Variants in WDR72 observed in about 807,000 individuals in gnomAD.
The protein encoded by WDR72 is WD repeat domain 72, also known as WD repeat-containing protein 72.
In WDR72, 120 loss-of-function variants were observed where a neutral mutation model predicts 124.2. That is an observed-to-expected ratio of 0.97 (90% confidence interval 0.83 to 1.12). The LOEUF (loss-of-function observed/expected upper bound fraction) is 1.12. Ranked by LOEUF, WDR72 falls within the 50% of genes most tolerant of loss-of-function variation. The pLI, the probability that WDR72 is intolerant of heterozygous loss-of-function variation, is 0.00. For synonymous variants in WDR72, 452 were observed against 441.7 expected (o/e 1.02, Z -0.29); for missense variants, 1,387 against 1,278.8 (o/e 1.08, Z -1.29).
At chr15:53,747,392 A>G (rs1344434693) in intron 1 of WDR72, among the ~76,000 whole-genome samples, 1 of 152,210 alleles carries the variant, frequency 6.6e-6, no homozygotes, top group African/African-American at 2.4e-5. Context: ...TCCTCCAAAA[A>G]TGTTGTTACT....
intron 18 of WDR72, among the ~76,000 whole-genome samples, chr15:53,537,702 T>C (rs905407809): frequency 1.3e-5 from 2 of 152,214 alleles, no homozygotes; most frequent in Admixed American, 6.5e-5. Flanking sequence ...TTATTATTTG[T>C]ATATCTGTCT....
intron 16 of WDR72, among the ~76,000 whole-genome samples, chr15:53,611,052 T>A (rs1197900059): frequency 5.3e-5 from 8 of 152,122 alleles, no homozygotes; most frequent in Admixed American, 3.9e-4. Flanking sequence ...ATTGCAACTT[T>A]AGGGGGAAAG....
intron 2 of WDR72, among the ~76,000 whole-genome samples, chr15:53,723,701 G>A (rs73412163): frequency 0.078 from 11,899 of 152,160 alleles, 1,598 homozygotes; most frequent in African/African-American, 0.27. Flanking sequence ...CAATATAAAA[G>A]TATTGGCATA....
chr15:53,537,711 C>G (rs2140247824), intron 18 of WDR72, among the ~76,000 whole-genome samples: 1 of 152,214 alleles, frequency 6.6e-6, no homozygotes, highest in East Asian at 1.9e-4. Context: ...GTATATCTGT[C>G]TTTGTCTAGA....
At chr15:53,717,933 T>TA (rs1471487417) in intron 3 of WDR72, among the ~76,000 whole-genome samples, 1 of 152,060 alleles carries the variant, frequency 6.6e-6, no homozygotes, top group Non-Finnish European at 1.5e-5. Flanking sequence ...GTGTATGTAC[T>TA]AAAAAATAAG....
chr15:53,741,332 A>G (rs1303596241), intron 1 of WDR72, among the ~76,000 whole-genome samples: 1 of 152,222 alleles, frequency 6.6e-6, no homozygotes, highest in Non-Finnish European at 1.5e-5. Flanking sequence ...TTAGAAAACA[A>G]AATGGACCAA....
intron 2 of WDR72, among the ~76,000 whole-genome samples, chr15:53,728,623 G>A (rs1002017826): frequency 2.0e-5 from 3 of 152,132 alleles, no homozygotes; most frequent in African/African-American, 7.2e-5. Context: ...TTCCTTCTGA[G>A]TATTAGACAG....
intron 14 of WDR72, among the ~76,000 whole-genome samples, chr15:53,627,771 T>C (rs2014269059): frequency 6.6e-6 from 1 of 152,184 alleles, no homozygotes; most frequent in Non-Finnish European, 1.5e-5. Context: ...CAAAACTCAC[T>C]TGATTCATTA....
In WDR72 at chr15:53,705,018, T is replaced by C. The variant is rs2017307410; in HGVS notation, c.1318A>G (p.Arg440Gly). 6.2e-7 allele frequency: 1 copy of C among 1,613,950 alleles called. No individual in the cohort carries two copies. ...ITQALNAAKARLLEGGSLVKD... is the reference protein window; with the variant it reads ...ITQALNAAKAGLLEGGSLVKD... ...ACTAAAGAACCACCTTCCAGAAGTC[T>C]TGCTTTGGCAGCATTCAAAGCCTGG... Residue 440 changes from arginine (R) to glycine (G), a missense_variant, in exon 11 of 20, where the codon AGA becomes GGA. By Grantham distance (125) the Arg-to-Gly change is moderately radical. Coordinates refer to ENST00000360509, the MANE Select transcript of WDR72 (RefSeq NM_182758.4).
At chr15:53,550,592 A>AC (rs1893689822) in intron 18 of WDR72, among the ~76,000 whole-genome samples, 1 of 152,206 alleles carries the variant, frequency 6.6e-6, no homozygotes, top group Admixed American at 6.5e-5. Flanking sequence ...GACTCATTCA[A>AC]CCACCACTCT....
At chr15:53,631,941 G>T (rs968457053) in intron 14 of WDR72, among the ~76,000 whole-genome samples, 1 of 152,170 alleles carries the variant, frequency 6.6e-6, no homozygotes, top group African/African-American at 2.4e-5. Flanking sequence ...GAGAAGTAGA[G>T]CATATAAGTG....
At chr15:53,599,461 T>C (rs1024732795) in intron 17 of WDR72, among the ~76,000 whole-genome samples, 2 of 152,118 alleles carry the variant, frequency 1.3e-5, no homozygotes, top group East Asian at 3.9e-4. Flanking sequence ...TCTCTGAAAC[T>C]TCATGTTCTC....
chr15:53,727,760 T>C (rs2018084460), intron 2 of WDR72, among the ~76,000 whole-genome samples: 1 of 152,240 alleles, frequency 6.6e-6, no homozygotes, highest in South Asian at 2.1e-4. Flanking sequence ...TGGCCTTTCA[T>C]ATGAAGTCCT....
chr15:53,656,379 A>C (rs2140436010), intron 14 of WDR72, among the ~76,000 whole-genome samples: 1 of 152,346 alleles, frequency 6.6e-6, no homozygotes, highest in South Asian at 2.1e-4. Flanking sequence ...TTTTTTAATA[A>C]GTTCATGCTC....
chr15:53,706,377 T>TATATATATATAC, intron 9 of WDR72, among the ~76,000 whole-genome samples: 2 of 116,046 alleles, frequency 1.7e-5, no homozygotes, highest in African/African-American at 1.0e-4. Context: ...TATATATATA[T>TATATATATATAC]ATATATATAT....
chr15:53,644,248 C>T (rs904415268), intron 14 of WDR72, among the ~76,000 whole-genome samples: 1 of 151,864 alleles, frequency 6.6e-6, no homozygotes, highest in Non-Finnish European at 1.5e-5. Flanking sequence ...TATTTTACTG[C>T]ATCTGTGCTT....
chr15:53,731,192 C>T (rs1595879584), intron 2 of WDR72, among the ~76,000 whole-genome samples: 2 of 152,254 alleles, frequency 1.3e-5, no homozygotes, highest in Middle Eastern at 6.8e-3. Context: ...AATTCCTTCA[C>T]TTGTCATCTC....
intron 18 of WDR72, among the ~76,000 whole-genome samples, chr15:53,593,706 G>A (rs1448069859): frequency 1.3e-5 from 2 of 151,708 alleles, no homozygotes; most frequent in Non-Finnish European, 2.9e-5. Context: ...AGGCTGCAGT[G>A]AGACAAGATC....
At chr15:53,526,295 A>G (rs778949220) in intron 18 of WDR72, among the ~76,000 whole-genome samples, 2 of 152,030 alleles carry the variant, frequency 1.3e-5, no homozygotes, top group Non-Finnish European at 2.9e-5. Flanking sequence ...TCTACAATAG[A>G]GTAGTCTGAA....
Sources: allele counts gnomAD v4.1 joint callset (sites outside exome capture counted in the v4.1 genomes callset), GRCh38; gene constraint gnomAD v4.1.1; transcripts MANE v1.5; gene names NCBI Gene and HGNC (gene_info 2026-07-23, HGNC 2026-07-21).